EIF2D: variants seen among roughly 807,000 people sequenced by gnomAD.
The protein encoded by EIF2D is hepatocellular carcinoma-associated antigen 56.
EIF2D carries 56 observed loss-of-function variants against 77.4 expected under a neutral mutation model. The ratio of observed to expected loss-of-function variants is 0.72; its 90% CI spans 0.58 to 0.90. The LOEUF (loss-of-function observed/expected upper bound fraction) is 0.90, where lower values mean the gene tolerates loss of function less well. EIF2D is among the 40% of genes least tolerant of loss of function. The probability of loss-of-function intolerance (pLI) is 0.00; values close to 1 mark genes in which losing one functional copy is unlikely to be tolerated. For synonymous variants in EIF2D, 230 were observed against 271.0 expected (o/e 0.85, Z 1.49); for missense variants, 574 against 706.5 (o/e 0.81, Z 2.13).
intron 8 of EIF2D, 94 bp downstream of exon 8, chr1:206,600,169 G>T: frequency 7.9e-7 from 1 of 1,270,840 alleles, no homozygotes; most frequent in South Asian, 1.3e-5. Context: ...GACTGAGCCT[G>T]GTAGACAAGG....
rs1669004219 is a variant in EIF2D, at chr1:206,584,053, A to C, written c.139-2891T>G. On this transcript the variant is annotated intron_variant and NMD_transcript_variant, in intron 2 of 5. Transcript: ENST00000472709. This position sits in a 1 kb window ranked among gnomAD's most constrained non-coding sequence, Gnocchi z 4.9. ...GCTTCCTGCCTGGTTCAGAGGTACA[A>C]ACTAGAGTGGCTACCCCACACCCTG... Among the ~76,000 whole-genome samples, 1 of 152,278 alleles carries C rather than the reference A, an allele frequency of 6.6e-6. No homozygotes were observed. Among genetic ancestry groups the C allele is most frequent in the African/African-American group, 2.4e-5 (1 of 41,564 alleles).
At position 206,579,723 on chromosome 1, in the gene EIF2D, G is replaced by A. The variant is rs1553405876; in HGVS notation, c.*254+969C>T. Reference sequence around the variant, plus strand: ...CAATTAAATCAGAATCTCCAGGGATGAAGCCCAGGCAGCTAAGTTTCTAAA... The same window carrying A: ...CAATTAAATCAGAATCTCCAGGGATAAAGCCCAGGCAGCTAAGTTTCTAAA... On this transcript the variant is annotated intron_variant and NMD_transcript_variant, in intron 4 of 5. Coordinates refer to the EIF2D transcript ENST00000472709. The surrounding 1 kb of genome is among the most constrained non-coding windows in gnomAD (Gnocchi z 4.2). Among the ~76,000 whole-genome samples the A allele has an allele frequency of 6.6e-6, 1 of 152,206 alleles. No individual in the cohort carries two copies. Among genetic ancestry groups the A allele is most frequent in the Non-Finnish European group, 1.5e-5 (1 of 68,034 alleles).
chr1:206,588,362 C>A (rs1240992661), downstream of EIF2D: 2 of 152,340 alleles, frequency 1.3e-5, no homozygotes, highest in Non-Finnish European at 2.9e-5. Flanking sequence ...TCCTGACTTA[C>A]ATTTGCACTG....
chr1:206,590,544 G>A (rs1669308859), downstream of EIF2D, among the ~76,000 whole-genome samples: 1 of 152,194 alleles, frequency 6.6e-6, no homozygotes. Flanking sequence ...TCCTGTTTAG[G>A]CTCAATTTCT....
At chr1:206,572,908 C>G (rs559926863) in intron 4 of EIF2D, among the ~76,000 whole-genome samples, 2 of 151,992 alleles carry the variant, frequency 1.3e-5, no homozygotes, top group Non-Finnish European at 2.9e-5. Flanking sequence ...AAGGGCCTAT[C>G]GGGAATCAAG....
chr1:206,586,119 CCT>C (rs1553407582), intron 2 of EIF2D: 2 of 152,412 alleles, frequency 1.3e-5, no homozygotes, highest in Admixed American at 1.3e-4. Flanking sequence ...CGCCACCTTC[CCT>C]GTGTGGACTT....
In EIF2D at chr1:206,591,647, A is replaced by G; in HGVS notation, c.*128T>C. 2.3e-6 allele frequency: 2 copies of G among 869,152 alleles called. No homozygotes were observed. The highest frequency in any genetic ancestry group is 3.6e-6 in the Non-Finnish European group (2 of 555,064). 53.8% of individuals were successfully genotyped at this position (869,152 alleles called of 1,614,324 possible). A position where few individuals can be genotyped will look rare whatever the true frequency, so the allele number is the denominator to read the frequency against. Reference sequence around the variant, plus strand: ...GAAACAAGAGGGAAGTCAGATTTAGATTAGAATAAAAATTTATTTTTGTAA... The same window carrying G: ...GAAACAAGAGGGAAGTCAGATTTAGGTTAGAATAAAAATTTATTTTTGTAA... On this transcript the variant is annotated 3_prime_UTR_variant, in exon 15 of 15. Coordinates refer to ENST00000271764, the MANE Select transcript of EIF2D (RefSeq NM_006893.3).
intron 4 of EIF2D, 76 bp downstream of exon 4, chr1:206,608,160 T>C (rs1572412846): frequency 2.1e-6 from 3 of 1,408,798 alleles, no homozygotes; most frequent in East Asian, 4.7e-5. Flanking sequence ...TCATATGCTT[T>C]ATAAGTTGTC....
At chr1:206,586,539 A>C in intron 2 of EIF2D, 1 of 295,758 alleles carries the variant, frequency 3.4e-6, no homozygotes, top group Admixed American at 4.9e-5. Context: ...CACTGTCAAG[A>C]TCTCGGCTGC....
In EIF2D at chr1:206,584,608, G is replaced by A. The variant is rs782224785; in HGVS notation, c.139-3446C>T. 6.2e-7 allele frequency: 1 copy of A among 1,614,216 alleles called. No individual in the cohort carries two copies. The highest frequency in any genetic ancestry group is 8.5e-7 in the Non-Finnish European group (1 of 1,180,042). On this transcript the variant is annotated intron_variant and NMD_transcript_variant, in intron 2 of 5. Coordinates refer to the EIF2D transcript ENST00000472709. This position sits in a 1 kb window ranked among gnomAD's most constrained non-coding sequence, Gnocchi z 4.9. ...CCACCGTCAGTGAGGTCATCCAGGG[G>A]CTGCTCAAGAAGTTCATGGTTGTGG...
At chr1:206,585,074 T>G in intron 2 of EIF2D, 1 of 771,574 alleles carries the variant, frequency 1.3e-6, no homozygotes, top group Non-Finnish European at 2.2e-6. Flanking sequence ...CGTGTCTACT[T>G]CCAGTTGTAC....
rs781973670 is a variant in EIF2D, at chr1:206,608,322, C to G, written c.336G>C (p.Leu112Phe). 2 of 1,609,342 alleles carry G rather than the reference C, an allele frequency of 1.2e-6. No individual in the cohort carries two copies. Among genetic ancestry groups the G allele is most frequent in the African/African-American group, 1.3e-5 (1 of 74,868 alleles). The change falls in exon 4 of 15, where the codon TTG becomes TTC. Residue 112 changes from leucine to phenylalanine, a missense_variant. Transcript: ENST00000271764. ...GGGGCATCACCAGTCCAGGCAGCAT[C>G]AAATCTGCAATGAACAAAAAAAATC... is the stretch of plus-strand genomic sequence containing the variant. ...VLEKLVGGADLMLPGLVMPPA... is the reference protein window; with the variant it reads ...VLEKLVGGADFMLPGLVMPPA...
In EIF2D at chr1:206,612,411, G is replaced by A; in HGVS notation, c.-69C>T. The A allele has an allele frequency of 6.2e-7, 1 of 1,600,700 alleles. No homozygotes were observed. Among genetic ancestry groups the A allele is most frequent in the Non-Finnish European group, 8.6e-7 (1 of 1,168,346 alleles). ...ATGTCAAGAAAGCGAGGGCGCAGCA[G>A]CTGCCAGGCCCTCAGCCGTGGGGGC... On this transcript the variant is annotated 5_prime_UTR_variant, in exon 1 of 15. Transcript: ENST00000271764.
chr1:206,602,256 G>A, intron 7 of EIF2D, 80 bp downstream of exon 7: 1 of 1,061,038 alleles, frequency 9.4e-7, no homozygotes, highest in Non-Finnish European at 1.5e-6. Context: ...TCCCTGCATT[G>A]GCCCCATCCT....
Position 206,608,292 on chromosome 1 carries a change from A to G in EIF2D, c.366T>C (p.Ala122=), listed in dbSNP as rs782420852. 6.8e-6 allele frequency: 11 copies of G among 1,613,768 alleles called. 1 individual carries two copies. The South Asian group carries it at 1.1e-4, about 16-fold the overall frequency. ...LMLPGLVMPP[A]GLPQVQKGDL... is the part of the protein sequence containing the mutation. ...CGCCCTTCTGTACCTGAGGCAGACC[A>G]GCAGGGGGCATCACCAGTCCAGGCA... is the stretch of plus-strand genomic sequence containing the variant. The change falls in exon 4 of 15, where the codon GCT becomes GCC. Residue 122 remains alanine, a synonymous_variant. Transcript: ENST00000271764.
At chr1:206,578,438 A>G (rs1443529692) in intron 4 of EIF2D, among the ~76,000 whole-genome samples, 1 of 152,176 alleles carries the variant, frequency 6.6e-6, no homozygotes, top group Non-Finnish European at 1.5e-5. Context: ...TGAGTAGAAT[A>G]GTGCACGGTA....
intron 14 of EIF2D, 127 bp downstream of exon 14, chr1:206,593,492 A>AGCGC (rs1669471986): frequency 4.9e-5 from 19 of 386,644 alleles, no homozygotes; most frequent in African/African-American, 4.7e-4. Flanking sequence ...AGAGAGCGAG[A>AGCGC]GAGAGAGAGA....
chr1:206,609,527 T>C (rs1456175289), intron 2 of EIF2D, 68 bp from the exon 3 acceptor site: 23 of 1,292,614 alleles, frequency 1.8e-5, no homozygotes, highest in African/African-American at 4.4e-5. Context: ...TGGAAAAACC[T>C]AACACTATGG....
At chr1:206,578,232 A>AGTGTGTGTGTGTG (rs1553405555) in intron 4 of EIF2D, among the ~76,000 whole-genome samples, 3 of 130,422 alleles carry the variant, frequency 2.3e-5, no homozygotes, top group African/African-American at 9.0e-5. Flanking sequence ...CAAAAAAAAA[A>AGTGTGTGTGTGTG]AGTGTGTGTG....
Sources: allele counts gnomAD v4.1 joint callset (sites outside exome capture counted in the v4.1 genomes callset), GRCh38; gene constraint gnomAD v4.1.1; non-coding constraint Gnocchi (gnomAD v3.1); transcripts MANE v1.5; gene names NCBI Gene and HGNC (gene_info 2026-07-23, HGNC 2026-07-21).